GRIP1: variants seen among roughly 807,000 people sequenced by gnomAD.
The protein encoded by GRIP1 is glutamate receptor interacting protein 1.
In GRIP1, 45 loss-of-function variants were observed where a neutral mutation model predicts 129.9. The ratio of observed to expected loss-of-function variants is 0.35; its 90% CI spans 0.27 to 0.44. GRIP1 has a LOEUF of 0.44. Ranked by LOEUF, GRIP1 falls within the 20% of genes least tolerant of loss-of-function variation. The pLI is 1.00. For missense variants in GRIP1, 1,196 were observed against 1,396.8 expected, an observed-to-expected ratio of 0.86 and a Z score of 2.29; for synonymous variants, 530 against 520.8, an observed-to-expected ratio of 1.02 and a Z score of -0.24.
intron 1 of GRIP1, among the ~76,000 whole-genome samples, chr12:66,858,299 C>T (rs1049578715): frequency 1.3e-5 from 2 of 151,766 alleles, no homozygotes; most frequent in Non-Finnish European, 2.9e-5. Context: ...TAATATATGG[C>T]ACTCTTACTG....
intron 1 of GRIP1, among the ~76,000 whole-genome samples, chr12:66,879,292 A>G (rs974754858): frequency 2.0e-5 from 3 of 152,114 alleles, no homozygotes; most frequent in African/African-American, 7.2e-5. Flanking sequence ...AGTGGAGGCA[A>G]CAGTTTAAAT....
chr12:66,363,600 CTAA>C (rs1388557216), intron 23 of GRIP1, among the ~76,000 whole-genome samples: 2 of 151,834 alleles, frequency 1.3e-5, no homozygotes, highest in African/African-American at 4.8e-5. Flanking sequence ...TCATTCCTTG[CTAA>C]TGAGTTAAAT....
chr12:66,392,343 T>C lies in GRIP1; in HGVS notation c.2429A>G (p.Asp810Gly). 6.2e-7 allele frequency: 1 copy of C among 1,613,124 alleles called. No individual in the cohort carries two copies. Among genetic ancestry groups the C allele is most frequent in the South Asian group, 1.1e-5 (1 of 91,068 alleles). ...ATAGCTGGTGTCTATTGCAGACCCA[T>C]CCCATGAATCCACAGCACTGTCCAC... ...PSVDSAVDSWDGSAIDTSYGT... is the reference protein window; with the variant it reads ...PSVDSAVDSWGGSAIDTSYGT... The change falls in exon 19 of 25, where the codon GAT becomes GGT. Residue 810 changes from aspartate to glycine, a missense_variant. Asp to Gly is a moderately conservative substitution (Grantham distance 94). Transcript: ENST00000359742.
chr12:66,593,750 T>C (rs1178197930), intron 2 of GRIP1, among the ~76,000 whole-genome samples: 2 of 152,062 alleles, frequency 1.3e-5, no homozygotes, highest in East Asian at 1.9e-4. Context: ...AGGGGAGATA[T>C]AGGCAAAAGC....
chr12:66,644,184 G>T (rs147779279), intron 1 of GRIP1, among the ~76,000 whole-genome samples: 1 of 152,258 alleles, frequency 6.6e-6, no homozygotes, highest in African/African-American at 2.4e-5. Flanking sequence ...TCTCCCACCA[G>T]GTCCCTCCCA....
chr12:66,785,779 T>C (rs1566021414), intron 1 of GRIP1, among the ~76,000 whole-genome samples: 2 of 151,980 alleles, frequency 1.3e-5, no homozygotes, highest in African/African-American at 2.4e-5. Context: ...CACACTTAAG[T>C]AACCTTTAAA....
At chr12:66,661,809 T>G (rs978281670) in intron 1 of GRIP1, among the ~76,000 whole-genome samples, 3 of 152,170 alleles carry the variant, frequency 2.0e-5, no homozygotes, top group African/African-American at 7.2e-5. Flanking sequence ...CAACCCATTC[T>G]TCTTTCCATC....
chr12:66,652,986 C>T (rs780167830), intron 1 of GRIP1, among the ~76,000 whole-genome samples: 12 of 152,178 alleles, frequency 7.9e-5, no homozygotes, highest in Non-Finnish European at 1.5e-4. Flanking sequence ...AAAAGACTAT[C>T]TTAAAAGAGT....
intron 1 of GRIP1, among the ~76,000 whole-genome samples, chr12:66,728,118 G>C (rs2036314338): frequency 6.6e-6 from 1 of 152,090 alleles, no homozygotes; most frequent in Non-Finnish European, 1.5e-5. Flanking sequence ...CACCTTGAGG[G>C]CTTTCATGTT....
intron 14 of GRIP1, among the ~76,000 whole-genome samples, chr12:66,426,493 C>T (rs2057991660): frequency 6.6e-6 from 1 of 152,100 alleles, no homozygotes; most frequent in Non-Finnish European, 1.5e-5. Context: ...CTCATGAATG[C>T]AATGTATTTG....
chr12:66,481,026 A>T (rs939572342), intron 7 of GRIP1, among the ~76,000 whole-genome samples: 1 of 152,192 alleles, frequency 6.6e-6, no homozygotes, highest in African/African-American at 2.4e-5. Flanking sequence ...CTAAAATACC[A>T]AAAGCAATGG....
At chr12:66,479,231 G>A (rs1270931193) in intron 7 of GRIP1, among the ~76,000 whole-genome samples, 1 of 151,886 alleles carries the variant, frequency 6.6e-6, no homozygotes, top group Non-Finnish European at 1.5e-5. Flanking sequence ...AAATGATAAA[G>A]GGGATATCAC....
chr12:66,443,966 C>T (rs533392497), intron 13 of GRIP1, among the ~76,000 whole-genome samples: 3 of 152,288 alleles, frequency 2.0e-5, no homozygotes, highest in East Asian at 3.9e-4. Context: ...AGAGGCTTTA[C>T]TTGTCTCTGT....
chr12:66,970,687 A>T (rs776446132), intron 1 of GRIP1, among the ~76,000 whole-genome samples: 3 of 151,982 alleles, frequency 2.0e-5, no homozygotes, highest in Non-Finnish European at 4.4e-5. Flanking sequence ...CTGTGGTGGT[A>T]AGGAGTGGGG....
At chr12:66,415,502 G>A (rs535377753) in intron 15 of GRIP1, among the ~76,000 whole-genome samples, 2 of 152,246 alleles carry the variant, frequency 1.3e-5, no homozygotes, top group East Asian at 3.9e-4. Flanking sequence ...CATTATGAAA[G>A]ACAGTGTGGC....
intron 1 of GRIP1, among the ~76,000 whole-genome samples, chr12:66,739,861 T>C (rs1184048603): frequency 6.6e-6 from 1 of 152,192 alleles, no homozygotes; most frequent in Admixed American, 6.5e-5. Context: ...ATCAGCATCA[T>C]GCCAAACTTC....
Position 66,737,843 on chromosome 12 carries a change from C to T in GRIP1, c.-420+66210G>A, listed in dbSNP as rs533053684. 6.6e-5 allele frequency among the ~76,000 whole-genome samples: 10 copies of T among 152,212 alleles called. No homozygotes were observed. In the Middle Eastern group the frequency reaches 0.01, roughly 155 times the overall value. The stretch of plus-strand genomic sequence containing the variant: ...ATAAGGCAGACCGATGTTATGCCCA[C>T]GTGAATTTGAAGTTCTAATTAAGAA... On this transcript the variant is annotated intron_variant, in intron 1 of 4. Transcript: ENST00000538373.
chr12:66,869,114 C>A (rs898569887), intron 1 of GRIP1, among the ~76,000 whole-genome samples: 1 of 151,808 alleles, frequency 6.6e-6, no homozygotes, highest in East Asian at 1.9e-4. Context: ...ATCTTATCAC[C>A]CCTAACTAGA....
intron 14 of GRIP1, among the ~76,000 whole-genome samples, chr12:66,430,942 G>A: frequency 6.6e-6 from 1 of 152,104 alleles, no homozygotes; most frequent in East Asian, 1.9e-4. Flanking sequence ...TTGAGGGAAG[G>A]CAGAAGAATG....
Sources: gnomAD v4.1 joint callset for allele counts (sites outside exome capture counted in the v4.1 genomes callset) on GRCh38, gnomAD v4.1.1 for gene constraint, MANE v1.5 for transcripts, NCBI Gene and HGNC (gene_info 2026-07-23, HGNC 2026-07-21) for gene names.